The following OLFM2 variants were observed in gnomAD, a reference collection of about 807,000 sequenced individuals.
OLFM2 encodes noelin-2.
Under a neutral mutation model 43.9 loss-of-function variants are expected in OLFM2, and 20 were observed. The ratio of observed to expected loss-of-function variants is 0.46; its 90% CI spans 0.32 to 0.66. The LOEUF (loss-of-function observed/expected upper bound fraction) is 0.66, where lower values mean the gene tolerates loss of function less well. Ranked by LOEUF, OLFM2 falls within the 30% of genes least tolerant of loss-of-function variation. The pLI is 0.04. For missense variants in OLFM2, 416 were observed against 643.6 expected, an observed-to-expected ratio of 0.65 and a Z score of 3.83; for synonymous variants, 268 against 278.6, an observed-to-expected ratio of 0.96 and a Z score of 0.38.
chr19:9,936,226 C>T (rs973548741), intron 1 of OLFM2, 78 bp downstream of exon 1: 14 of 1,471,556 alleles, frequency 9.5e-6, no homozygotes, highest in Admixed American at 2.0e-5. Flanking sequence ...CCTCCCAACC[C>T]CGTTTCTCCG....
At chr19:9,928,741 G>A (rs2086467009) in intron 1 of OLFM2, among the ~76,000 whole-genome samples, 1 of 151,920 alleles carries the variant, frequency 6.6e-6, no homozygotes, top group Non-Finnish European at 1.5e-5. Flanking sequence ...GGAGGCAGAG[G>A]TTGCAGTGAG....
intron 1 of OLFM2, chr19:9,913,638 C>G: frequency 8.0e-7 from 1 of 1,255,430 alleles, no homozygotes; most frequent in Non-Finnish European, 1.0e-6. Context: ...CCTCATGCCC[C>G]GCGGCCGCCC....
intron 2 of OLFM2, among the ~76,000 whole-genome samples, chr19:9,858,576 C>G (rs551156631): frequency 8.5e-5 from 13 of 152,298 alleles, no homozygotes; most frequent in African/African-American, 2.9e-4. Context: ...CTCCAGTGCC[C>G]AGCACTGGCC....
intron 1 of OLFM2, among the ~76,000 whole-genome samples, chr19:9,912,467 G>C (rs2046834926): frequency 6.6e-6 from 1 of 152,176 alleles, no homozygotes; most frequent in Non-Finnish European, 1.5e-5. Context: ...CGCAGCCTGG[G>C]TTTGGGGGAT....
rs1198476438 is a variant in OLFM2 at position 9,857,992 on chromosome 19, T to C, written c.214-131A>G. On this transcript the variant is annotated intron_variant, in intron 2 of 5. Coordinates refer to ENST00000264833, the MANE Select transcript of OLFM2 (RefSeq NM_058164.4). This position sits in a 1 kb window ranked among gnomAD's most constrained non-coding sequence, Gnocchi z 5.7. ...CCGACGAGGCCACCTTCTCCTCCCC[T>C]GAGCTTACCAGCAGCCTCCCAATTG... is the stretch of plus-strand genomic sequence containing the variant. 7 of 1,145,420 alleles carry C rather than the reference T, an allele frequency of 6.1e-6. No individual in the cohort carries two copies. The East Asian group carries it at 1.8e-4, about 29-fold the overall frequency. 71.0% of individuals were successfully genotyped at this position (1,145,420 alleles called of 1,614,324 possible). A position where few individuals can be genotyped will look rare whatever the true frequency, so the allele number is the denominator to read the frequency against.
intron 1 of OLFM2, among the ~76,000 whole-genome samples, chr19:9,921,691 T>C (rs1011536076): frequency 7.9e-5 from 12 of 151,778 alleles, no homozygotes; most frequent in Non-Finnish European, 1.6e-4. Flanking sequence ...TTCACCATAT[T>C]AGCCAGGACG....
chr19:9,854,020 A>G lies in OLFM2; in HGVS notation c.*166T>C. Reference sequence around the variant, plus strand: ...AATAAAGGAGAAGAGGGGAAATTGAAAAAATAGACAGAAATACATAGGCAG... The same window carrying G: ...AATAAAGGAGAAGAGGGGAAATTGAGAAAATAGACAGAAATACATAGGCAG... On this transcript the variant is annotated 3_prime_UTR_variant, in exon 6 of 6. Transcript: ENST00000264833. The surrounding 1 kb of genome is among the most constrained non-coding windows in gnomAD (Gnocchi z 9.5). The G allele has an allele frequency of 1.6e-6, 1 of 627,842 alleles. No individual in the cohort carries two copies. Among genetic ancestry groups the G allele is most frequent in the Non-Finnish European group, 2.8e-6 (1 of 360,718 alleles). 38.9% of individuals were successfully genotyped at this position (627,842 alleles called of 1,614,324 possible).
chr19:9,878,381 C>T (rs546816569), intron 1 of OLFM2, among the ~76,000 whole-genome samples: 4 of 57,642 alleles, frequency 6.9e-5, no homozygotes, highest in South Asian at 7.3e-4. Flanking sequence ...TCATTTCTCT[C>T]TTTTTTTTTT....
intron 1 of OLFM2, among the ~76,000 whole-genome samples, chr19:9,925,419 T>A (rs1285039839): frequency 6.6e-6 from 1 of 152,100 alleles, no homozygotes; most frequent in Non-Finnish European, 1.5e-5. Context: ...TTATCGTAGT[T>A]CTTCAAAAAC....
chr19:9,858,237 C>G lies in OLFM2; in HGVS notation c.214-376G>C, dbSNP rs564110600. ...GCTGGCTGGTCCTGCCCACCCCCCC[C>G]GCCCAACCCACTTCCTCTCTCTTTG... is the stretch of plus-strand genomic sequence containing the variant. On this transcript the variant is annotated intron_variant, in intron 2 of 5. Transcript: ENST00000264833. 6.2e-4 allele frequency: 217 copies of G among 352,244 alleles called. 2 individuals carry two copies. The highest frequency in any genetic ancestry group is 2.0e-3 in the Middle Eastern group (2 of 986). The allele number at this position is 352,244 out of a possible 1,614,324, so 21.8% of individuals were successfully genotyped here.
intron 1 of OLFM2, among the ~76,000 whole-genome samples, chr19:9,916,971 G>C (rs890723351): frequency 6.6e-6 from 1 of 151,970 alleles, no homozygotes; most frequent in African/African-American, 2.4e-5. Flanking sequence ...CTGTGCCGTC[G>C]CTGTCTCCTG....
At position 9,912,659 on chromosome 19, in the gene OLFM2, AGGGAAGCTCTGTAGTG is replaced by A. The variant is rs769104976; in HGVS notation, c.63+23629_63+23644del. Among the ~76,000 whole-genome samples the A allele has an allele frequency of 1.3e-4, 20 of 152,062 alleles. No homozygotes were observed. The Middle Eastern group carries it at 0.01, about 78-fold the overall frequency. ...GAGTTCTCTCCTTCTTCCCTGATCC[AGGGAAGCTCTGTAGTG>A]GGGAAGCTGGAGGATAAAGCCTCAA... is the stretch of plus-strand genomic sequence containing the variant. On this transcript the variant is annotated intron_variant, in intron 1 of 5. Coordinates refer to ENST00000264833, the MANE Select transcript of OLFM2 (RefSeq NM_058164.4).
Position 9,919,965 on chromosome 19 carries a change from T to G in OLFM2, c.63+16339A>C, listed in dbSNP as rs533959629. ...GCAAGCCACCATGCTCAGCTAATTT[T>G]TGTATTTTTTTTTTTTTTTAGTAGA... is the stretch of plus-strand genomic sequence containing the variant. On this transcript the variant is annotated intron_variant, in intron 1 of 5. Coordinates refer to ENST00000264833, the MANE Select transcript of OLFM2 (RefSeq NM_058164.4). Among the ~76,000 whole-genome samples, 3 of 148,356 alleles carry G rather than the reference T, an allele frequency of 2.0e-5. No homozygotes were observed. The South Asian group carries it at 6.3e-4, about 31-fold the overall frequency.
rs762883040 is a variant in OLFM2 at position 9,856,815 on chromosome 19, C to T, written c.679G>A (p.Asp227Asn). 1.2e-6 allele frequency: 2 copies of T among 1,613,164 alleles called. No homozygotes were observed. Among genetic ancestry groups the T allele is most frequent in the Non-Finnish European group, 1.7e-6 (2 of 1,179,680 alleles). Residue 227 changes from aspartate to asparagine, a missense_variant, in exon 5 of 6, where the codon GAT becomes AAT. Coordinates refer to ENST00000264833, the MANE Select transcript of OLFM2 (RefSeq NM_058164.4). The surrounding 1 kb of genome is among the most constrained non-coding windows in gnomAD (Gnocchi z 4.0). ...WMTDTMAPSA[D>N]SRVWYMDGYY... ...TGGGCGCAGTCACTCACCCGGCTAT[C>T]CGCACTGGGGGCCATCGTGTCAGTC...
At chr19:9,862,992 A>AC (rs1164518263) in intron 1 of OLFM2, among the ~76,000 whole-genome samples, 2 of 150,684 alleles carry the variant, frequency 1.3e-5, no homozygotes, top group East Asian at 3.9e-4. Context: ...CTGTCTCAAA[A>AC]AAAAAAAAAA....
intron 1 of OLFM2, among the ~76,000 whole-genome samples, chr19:9,873,453 C>G (rs1228589741): frequency 2.0e-5 from 3 of 151,868 alleles, no homozygotes; most frequent in Admixed American, 2.0e-4. Context: ...CACACCTGGC[C>G]AACATTTTTG....
chr19:9,930,530 T>C (rs1046583777), intron 1 of OLFM2, among the ~76,000 whole-genome samples: 1 of 151,958 alleles, frequency 6.6e-6, no homozygotes, highest in Non-Finnish European at 1.5e-5. Flanking sequence ...CACTCCAGCA[T>C]GGGTGACAGA....
chr19:9,881,699 T>C (rs144056974), intron 1 of OLFM2, among the ~76,000 whole-genome samples: 5 of 151,006 alleles, frequency 3.3e-5, no homozygotes, highest in African/African-American at 1.2e-4. Flanking sequence ...GGTCTTGCTG[T>C]GTGGCCTAGG....
rs749261299 is a variant in OLFM2, at chr19:9,856,896, C to G, written c.598G>C (p.Gly200Arg). 2 of 1,610,008 alleles carry G rather than the reference C, an allele frequency of 1.2e-6. No homozygotes were observed. The highest frequency in any genetic ancestry group is 1.7e-6 in the Non-Finnish European group (2 of 1,178,254). ...CGAACGGTGATGGGGTTACTGACCC[C>G]GGTCAGCTTCCCACAGCCTGGGAGG... ...AQKLGCGKLT[G>R]VSNPITVRAM... Residue 200 changes from glycine (G) to arginine (R), a missense_variant, in exon 5 of 6, where the codon GGG (glycine) becomes CGG (arginine). Physicochemically the swap from Gly to Arg is moderately radical, Grantham distance 125. Coordinates refer to ENST00000264833, the MANE Select transcript of OLFM2 (RefSeq NM_058164.4). This position sits in a 1 kb window ranked among gnomAD's most constrained non-coding sequence, Gnocchi z 4.0.
Sources: allele counts gnomAD v4.1 joint callset (sites outside exome capture counted in the v4.1 genomes callset), GRCh38; gene constraint gnomAD v4.1.1; non-coding constraint Gnocchi (gnomAD v3.1); transcripts MANE v1.5; gene names NCBI Gene and HGNC (gene_info 2026-07-23, HGNC 2026-07-21).